GRAMD4: variants seen among roughly 807,000 people sequenced by gnomAD.
GRAMD4 encodes GRAM domain containing 4.
A neutral mutation model predicts 83.9 loss-of-function variants in GRAMD4; 25 were observed. The observed-to-expected ratio is 0.30, with a 90% CI of 0.22 to 0.42. The LOEUF (loss-of-function observed/expected upper bound fraction) is 0.42, where lower values mean the gene tolerates loss of function less well. Ranked by LOEUF, GRAMD4 falls within the 10% of genes least tolerant of loss-of-function variation. The pLI is 1.00. For synonymous variants in GRAMD4, 336 were observed against 320.9 expected (o/e 1.05, Z -0.50); for missense variants, 593 against 788.7 (o/e 0.75, Z 2.97).
intron 6 of GRAMD4, 108 bp downstream of exon 6, chr22:46,663,280 T>C (rs887150356): frequency 2.2e-5 from 24 of 1,106,548 alleles, no homozygotes; most frequent in Non-Finnish European, 3.0e-5. Context: ...AAGCTGTCTG[T>C]GAGGCTGCCG....
downstream of GRAMD4, among the ~76,000 whole-genome samples, chr22:46,681,771 C>G (rs140568980): frequency 1.8e-3 from 276 of 152,292 alleles, 2 homozygotes; most frequent in Non-Finnish European, 3.2e-3. Context: ...TAAATATTTA[C>G]TGGATGAATG....
At chr22:46,597,363 A>G (rs2081271526) in intron 1 of GRAMD4, among the ~76,000 whole-genome samples, 2 of 152,274 alleles carry the variant, frequency 1.3e-5, no homozygotes, top group African/African-American at 4.8e-5. Context: ...GGATGAGATG[A>G]TGTGGTGAGT....
At chr22:46,618,717 C>A (rs1256887501), upstream of GRAMD4, among the ~76,000 whole-genome samples, 1 of 151,808 alleles carries the variant, frequency 6.6e-6, no homozygotes, top group African/African-American at 2.4e-5. The surrounding 1 kb of genome is among the most constrained non-coding windows in gnomAD (Gnocchi z 5.8). Flanking sequence ...AGAGGGGAGG[C>A]ACGCGGCTGC....
chr22:46,639,364 C>T (rs558985465), intron 3 of GRAMD4, among the ~76,000 whole-genome samples: 4 of 113,130 alleles, frequency 3.5e-5, no homozygotes, highest in Admixed American at 8.2e-5. Flanking sequence ...TGTGCACGTA[C>T]GTGCACGTGT....
chr22:46,583,924 C>T (rs2147908950), intron 1 of GRAMD4, among the ~76,000 whole-genome samples: 1 of 152,320 alleles, frequency 6.6e-6, no homozygotes, highest in South Asian at 2.1e-4. Flanking sequence ...GGCAGAGTGG[C>T]TGTGTCACTG....
intron 1 of GRAMD4, among the ~76,000 whole-genome samples, chr22:46,609,515 G>A (rs138528): frequency 0.79 from 120,010 of 152,220 alleles, 48,219 homozygotes; most frequent in East Asian, 1. Context: ...GGAGCTATTT[G>A]AGGCCATGTG....
At chr22:46,661,470 C>A in intron 5 of GRAMD4, 28 bp downstream of exon 5, 3 of 1,515,154 alleles carry the variant, frequency 2.0e-6, no homozygotes, top group Non-Finnish European at 9.1e-7. Flanking sequence ...GGTGGACAGG[C>A]AGGCGGGCGG....
At chr22:46,615,749 CGTGTAGGTTCCCCCTT>C (rs1432402587), upstream of GRAMD4, among the ~76,000 whole-genome samples, 14 of 10,996 alleles carry the variant, frequency 1.3e-3, 1 homozygote, top group African/African-American at 4.9e-3. Context: ...TTCCCCTGTG[CGTGTAGGTTCCCCCTT>C]GTGTAGGTTC....
chr22:46,584,303 A>G (rs1435205785), intron 1 of GRAMD4, among the ~76,000 whole-genome samples: 1 of 151,648 alleles, frequency 6.6e-6, no homozygotes. Context: ...CCGGGGTGTC[A>G]TTGCTTCTGG....
intron 3 of GRAMD4, among the ~76,000 whole-genome samples, chr22:46,652,786 T>C (rs981450863): frequency 6.6e-6 from 1 of 152,096 alleles, no homozygotes; most frequent in African/African-American, 2.4e-5. Context: ...AGCAGCTCAG[T>C]AGTTTGCTCC....
chr22:46,598,649 A>G (rs2081284390), intron 1 of GRAMD4, among the ~76,000 whole-genome samples: 1 of 151,736 alleles, frequency 6.6e-6, no homozygotes, highest in African/African-American at 2.4e-5. Flanking sequence ...GCTTGGGGGA[A>G]GGAGCTTGTT....
At chr22:46,630,057 C>T (rs2081743817) in intron 2 of GRAMD4, among the ~76,000 whole-genome samples, 1 of 151,784 alleles carries the variant, frequency 6.6e-6, no homozygotes, top group African/African-American at 2.4e-5. Context: ...CAGAGTCTCA[C>T]TCTGTCACCC....
chr22:46,588,346 C>A (rs550209926), intron 1 of GRAMD4, among the ~76,000 whole-genome samples: 1 of 152,326 alleles, frequency 6.6e-6, no homozygotes, highest in South Asian at 2.1e-4. Context: ...GTCCGTCTTC[C>A]ATCCCTCCAG....
At chr22:46,647,457 G>T (rs2082087669) in intron 3 of GRAMD4, among the ~76,000 whole-genome samples, 1 of 152,160 alleles carries the variant, frequency 6.6e-6, no homozygotes, top group Non-Finnish European at 1.5e-5. Flanking sequence ...GGCCTGTCCT[G>T]TCCCTGGAGC....
intron 6 of GRAMD4, among the ~76,000 whole-genome samples, chr22:46,663,453 GCCTT>G (rs1405156286): frequency 6.6e-6 from 1 of 152,200 alleles, no homozygotes; most frequent in African/African-American, 2.4e-5. Flanking sequence ...ACTGCCTGGG[GCCTT>G]CCTTGGCTCT....
At position 46,621,525 on chromosome 22, in the gene GRAMD4, CT is replaced by C. The variant is rs886182143; in HGVS notation, c.-50+961del. ...TGGCGGTGTGTCGCGGAGGGCACCCCTACCCCGGTGCAGGCGCAGGCTGGAG... is the reference window on the plus strand; with the variant it reads ...TGGCGGTGTGTCGCGGAGGGCACCCCACCCCGGTGCAGGCGCAGGCTGGAG... On this transcript the variant is annotated intron_variant, in intron 1 of 18. Transcript: ENST00000406902. This position sits in a 1 kb window ranked among gnomAD's most constrained non-coding sequence, Gnocchi z 5.8. 4.8e-5 allele frequency among the ~76,000 whole-genome samples: 7 copies of C among 144,560 alleles called. No homozygotes were observed. The highest frequency in any genetic ancestry group is 9.1e-5 in the Non-Finnish European group (6 of 65,602). 94.8% of individuals were successfully genotyped at this position (144,560 alleles called of 152,430 possible). A position where few individuals can be genotyped will look rare whatever the true frequency, so the allele number is the denominator to read the frequency against.
chr22:46,620,176 G>A (rs552488671), upstream of GRAMD4: 13 of 288,842 alleles, frequency 4.5e-5, no homozygotes, highest in South Asian at 1.7e-3. This position sits in a 1 kb window ranked among gnomAD's most constrained non-coding sequence, Gnocchi z 4.7. Flanking sequence ...CGGTTTCTGA[G>A]TCCAGGGTTC....
chr22:46,613,557 TAGAG>T (rs749194430), intron 1 of GRAMD4, among the ~76,000 whole-genome samples: 41 of 152,278 alleles, frequency 2.7e-4, no homozygotes, highest in Admixed American at 6.5e-4. Flanking sequence ...GTGATTGAAG[TAGAG>T]AGTAACTTGG....
chr22:46,581,968 G>A (rs927732928), intron 1 of GRAMD4, among the ~76,000 whole-genome samples: 1 of 152,180 alleles, frequency 6.6e-6, no homozygotes, highest in Non-Finnish European at 1.5e-5. Flanking sequence ...GGCCGCGTCT[G>A]CACCACCTCC....
Sources: gnomAD v4.1 joint callset for allele counts (sites outside exome capture counted in the v4.1 genomes callset) on GRCh38, gnomAD v4.1.1 for gene constraint, Gnocchi (gnomAD v3.1) non-coding constraint, MANE v1.5 for transcripts, NCBI Gene and HGNC (gene_info 2026-07-23, HGNC 2026-07-21) for gene names.